The following ATXN7 variants were observed in gnomAD, a reference collection of about 807,000 sequenced individuals.
ATXN7 encodes the protein ataxin 7.
Under a neutral mutation model 70.5 loss-of-function variants are expected in ATXN7, and 12 were observed. The ratio of observed to expected loss-of-function variants is 0.17; its 90% CI spans 0.11 to 0.28. ATXN7 has a LOEUF of 0.28. Among genes scored for constraint, ATXN7 ranks in the 10% least tolerant of loss-of-function variants. The pLI, the probability that ATXN7 is intolerant of heterozygous loss-of-function variation, is 1.00. For synonymous variants in ATXN7, 498 were observed against 448.7 expected, an observed-to-expected ratio of 1.11 and a Z score of -1.39; for missense variants, 1,256 against 1,131.7, an observed-to-expected ratio of 1.11 and a Z score of -1.58.
intron 1 of ATXN7, among the ~76,000 whole-genome samples, chr3:63,889,746 G>A (rs1295849888): frequency 6.6e-6 from 1 of 152,184 alleles, no homozygotes; most frequent in African/African-American, 2.4e-5. Flanking sequence ...CAGTGAATAA[G>A]CACTGGCTCC....
At chr3:63,961,676 ATAAAG>A (rs1289592769) in intron 5 of ATXN7, among the ~76,000 whole-genome samples, 3 of 152,102 alleles carry the variant, frequency 2.0e-5, no homozygotes, top group Non-Finnish European at 2.9e-5. Context: ...TTATACCTTA[ATAAAG>A]TAGAGGAAAA....
chr3:63,892,459 T>C (rs1235174963), intron 1 of ATXN7, among the ~76,000 whole-genome samples: 1 of 143,994 alleles, frequency 6.9e-6, no homozygotes, highest in African/African-American at 2.7e-5. Flanking sequence ...TTGCCTCTTA[T>C]CGCTCCTTCA....
intron 4 of ATXN7, among the ~76,000 whole-genome samples, chr3:63,949,943 A>G (rs2106650457): frequency 6.6e-6 from 1 of 152,318 alleles, no homozygotes; most frequent in South Asian, 2.1e-4. Context: ...ATTATTAGAA[A>G]TAAATGGGAA....
At position 63,996,337 on chromosome 3, in the gene ATXN7, T is replaced by C. The variant is rs2075759016; in HGVS notation, c.2515T>C (p.Cys839Arg). The C allele has an allele frequency of 3.1e-6, 5 of 1,614,008 alleles. No homozygotes were observed. The highest frequency in any genetic ancestry group is 4.2e-6 in the Non-Finnish European group (5 of 1,180,036). ...LDKLIGKKRK[C>R]SPSSSSINNS... ...CAAACTCATAGGAAAGAAAAGAAAGTGCTCACCCAGCTCGAGCAGCATCAA... is the reference window on the plus strand; with the variant it reads ...CAAACTCATAGGAAAGAAAAGAAAGCGCTCACCCAGCTCGAGCAGCATCAA... Residue 839 changes from cysteine (C) to arginine (R), a missense_variant, in exon 12 of 13, where the codon TGC becomes CGC. Cys to Arg is a radical substitution (Grantham distance 180). Coordinates refer to ENST00000674280, the MANE Select transcript of ATXN7 (RefSeq NM_001377405.1).
chr3:63,923,620 A>G (rs116535528), intron 4 of ATXN7, among the ~76,000 whole-genome samples: 3,172 of 152,154 alleles, frequency 0.021, 94 homozygotes, highest in African/African-American at 0.072. Flanking sequence ...CAGCTTGGCA[A>G]CATAGTGAGA....
chr3:63,875,885 C>A (rs1029660434), intron 1 of ATXN7, among the ~76,000 whole-genome samples: 26 of 152,170 alleles, frequency 1.7e-4, no homozygotes, highest in African/African-American at 6.3e-4. Context: ...ATAAACTTGT[C>A]TGTGGTGGTA....
chr3:63,995,815 T>C lies in ATXN7; in HGVS notation c.1993T>C (p.Ser665Pro), dbSNP rs756298177. ...CTCTGGCCTTTCCTCGGTTCCTTCC[T>C]CCCCCATGTCCAGGAAACCTCAGAA... ...TPSGLSSVPS[S>P]PMSRKPQKLK... The change falls in exon 12 of 13, where the codon TCC (serine) becomes CCC (proline). Residue 665 changes from serine to proline, a missense_variant. By Grantham distance (74) the Ser-to-Pro change is moderately conservative (BLOSUM62 -1). Coordinates refer to ENST00000674280, the MANE Select transcript of ATXN7 (RefSeq NM_001377405.1). The C allele has an allele frequency of 1.2e-5, 20 of 1,614,166 alleles. No individual in the cohort carries two copies. The highest frequency in any genetic ancestry group is 1.7e-5 in the Non-Finnish European group (20 of 1,180,036).
chr3:63,996,641 A>G (rs933145970), intron 12 of ATXN7, 158 bp downstream of exon 12: 12 of 801,546 alleles, frequency 1.5e-5, no homozygotes, highest in Middle Eastern at 3.9e-4. Context: ...AAAAAAAAAA[A>G]GGTTCACGGC....
intron 7 of ATXN7, 27 bp downstream of exon 7, chr3:63,982,472 A>G: frequency 1.3e-6 from 2 of 1,537,916 alleles, no homozygotes; most frequent in Non-Finnish European, 1.8e-6. Flanking sequence ...TTTCTTCATA[A>G]TGCTTCTCTA....
At chr3:63,897,611 A>C (rs930844970) in intron 1 of ATXN7, among the ~76,000 whole-genome samples, 1 of 152,172 alleles carries the variant, frequency 6.6e-6, no homozygotes, top group African/African-American at 2.4e-5. Flanking sequence ...TGAGAATTAT[A>C]GGGAGAGAAG....
chr3:63,874,939 G>T (rs1702707066), intron 1 of ATXN7, among the ~76,000 whole-genome samples: 1 of 151,988 alleles, frequency 6.6e-6, no homozygotes. Flanking sequence ...GTCTGATGAG[G>T]GCTTGTTTCC....
rs199663915 is a variant in ATXN7, at chr3:63,912,821, A to T, written c.223A>T (p.Met75Leu). The T allele has an allele frequency of 8.3e-6, 13 of 1,572,820 alleles. No individual in the cohort carries two copies. The Admixed American group carries it at 2.2e-4, about 27-fold the overall frequency. Residue 75 changes from methionine (M) to leucine (L), a missense_variant, in exon 3 of 13, where the codon ATG becomes TTG. Coordinates refer to ENST00000674280, the MANE Select transcript of ATXN7 (RefSeq NM_001377405.1). The part of the protein sequence containing the change: ...PGAASTSAAA[M>L]ATVGERRPLP... ...CGCCGCCTCCACCTCGGCCGCCGCA[A>T]TGGCGACGGTCGGGGAGCGCAGGCC...
At chr3:63,934,288 C>T (rs1397510132) in intron 4 of ATXN7, among the ~76,000 whole-genome samples, 2 of 152,120 alleles carry the variant, frequency 1.3e-5, no homozygotes, top group Non-Finnish European at 2.9e-5. Flanking sequence ...CTTTGGCGCA[C>T]AGTGTCCTGA....
chr3:63,866,216 T>A (rs1183976485), intron 1 of ATXN7, among the ~76,000 whole-genome samples: 1 of 152,190 alleles, frequency 6.6e-6, no homozygotes, highest in Non-Finnish European at 1.5e-5. Flanking sequence ...CTTTAAAGTT[T>A]GAGCTGTACC....
intron 4 of ATXN7, among the ~76,000 whole-genome samples, chr3:63,946,287 A>C (rs1184673311): frequency 1.3e-5 from 2 of 152,148 alleles, no homozygotes; most frequent in African/African-American, 4.8e-5. Flanking sequence ...GAACGGTGGG[A>C]ATTGTAGAAA....
chr3:63,927,424 G>T (rs1704760968), intron 4 of ATXN7, among the ~76,000 whole-genome samples: 1 of 152,156 alleles, frequency 6.6e-6, no homozygotes, highest in Non-Finnish European at 1.5e-5. Flanking sequence ...TGCACAATTG[G>T]CCCGGAGGGG....
intron 11 of ATXN7, among the ~76,000 whole-genome samples, chr3:63,992,278 C>G (rs921631999): frequency 6.6e-6 from 1 of 152,196 alleles, no homozygotes; most frequent in African/African-American, 2.4e-5. Flanking sequence ...CTCTGCTTTT[C>G]TTTTTCATAT....
intron 2 of ATXN7, among the ~76,000 whole-genome samples, chr3:63,898,913 G>A (rs776884960): frequency 2.0e-5 from 3 of 152,118 alleles, no homozygotes; most frequent in Non-Finnish European, 2.9e-5. Context: ...TTAGGGCAGG[G>A]AAGATCATCA....
intron 2 of ATXN7, among the ~76,000 whole-genome samples, chr3:63,900,298 A>G (rs1167559830): frequency 6.6e-6 from 1 of 152,246 alleles, no homozygotes; most frequent in African/African-American, 2.4e-5. Context: ...AGGCAACTGT[A>G]GCAAAAATGG....
Sources: allele counts gnomAD v4.1 joint callset (sites outside exome capture counted in the v4.1 genomes callset), GRCh38; gene constraint gnomAD v4.1.1; transcripts MANE v1.5; gene names NCBI Gene and HGNC (gene_info 2026-07-23, HGNC 2026-07-21).